ZNF804B: variants seen among roughly 807,000 people sequenced by gnomAD.
The protein encoded by ZNF804B is zinc finger protein 804B, also known as zinc finger 804B.
ZNF804B carries 80 observed loss-of-function variants against 101.4 expected under a neutral mutation model. The ratio of observed to expected loss-of-function variants is 0.79; its 90% CI spans 0.66 to 0.95. The LOEUF (loss-of-function observed/expected upper bound fraction) is 0.95. Among genes scored for constraint, ZNF804B ranks in the 40% least tolerant of loss-of-function variants. The pLI is 0.00. For missense variants in ZNF804B, 1,673 were observed against 1,561.9 expected (o/e 1.07, Z -1.20); for synonymous variants, 622 against 558.8 (o/e 1.11, Z -1.59).
chr7:89,229,643 A>T (rs1323643038), intron 2 of ZNF804B, among the ~76,000 whole-genome samples: 3 of 152,228 alleles, frequency 2.0e-5, no homozygotes, highest in African/African-American at 7.2e-5. Context: ...GTTTGTCAGT[A>T]ACTGACACAT....
At chr7:89,195,905 G>A (rs149844628) in intron 1 of ZNF804B, among the ~76,000 whole-genome samples, 313 of 152,124 alleles carry the variant, frequency 2.1e-3, no homozygotes, top group Middle Eastern at 3.4e-3. Flanking sequence ...AATCAGAGAG[G>A]ACACAGGCAA....
intron 1 of ZNF804B, among the ~76,000 whole-genome samples, chr7:88,876,079 T>C (rs1302337187): frequency 6.6e-6 from 1 of 152,080 alleles, no homozygotes. Context: ...CTATCATGCT[T>C]CTTGTACTCT....
At chr7:89,044,973 C>A (rs1194918983) in intron 1 of ZNF804B, among the ~76,000 whole-genome samples, 1 of 152,152 alleles carries the variant, frequency 6.6e-6, no homozygotes, top group Non-Finnish European at 1.5e-5. Flanking sequence ...TCACAGTAGC[C>A]CCATCCATCA....
In ZNF804B at chr7:88,972,236, T is replaced by C. The variant is rs185706957; in HGVS notation, c.108+212152T>C. 7.9e-5 allele frequency among the ~76,000 whole-genome samples: 12 copies of C among 151,694 alleles called. No homozygotes were observed. In the East Asian group the frequency reaches 2.3e-3, roughly 30 times the overall value. On this transcript the variant is annotated intron_variant, in intron 1 of 3. Coordinates refer to ENST00000333190, the MANE Select transcript of ZNF804B (RefSeq NM_181646.5). ...CCACAAGTGTGCTCCAATCTACTTATACTGTCTCATTTCTCACCAGCTTAA... is the reference window on the plus strand; with the variant it reads ...CCACAAGTGTGCTCCAATCTACTTACACTGTCTCATTTCTCACCAGCTTAA...
intron 1 of ZNF804B, among the ~76,000 whole-genome samples, chr7:89,071,005 A>C (rs1477207059): frequency 6.6e-6 from 1 of 152,160 alleles, no homozygotes; most frequent in Admixed American, 6.5e-5. Context: ...TCTCCCATAT[A>C]AAATGGTGTA....
At chr7:88,865,375 T>TA (rs1791711407) in intron 1 of ZNF804B, among the ~76,000 whole-genome samples, 1 of 151,368 alleles carries the variant, frequency 6.6e-6, no homozygotes, top group Non-Finnish European at 1.5e-5. Flanking sequence ...CTACAGAAAG[T>TA]AAAAAAATTA....
chr7:89,261,855 A>G (rs1009113764), intron 2 of ZNF804B, among the ~76,000 whole-genome samples: 1 of 152,194 alleles, frequency 6.6e-6, no homozygotes, highest in African/African-American at 2.4e-5. Flanking sequence ...CAACTGAAAC[A>G]TTGTTATGCA....
intron 1 of ZNF804B, among the ~76,000 whole-genome samples, chr7:89,017,165 G>T (rs1234110281): frequency 6.6e-6 from 1 of 152,186 alleles, no homozygotes; most frequent in African/African-American, 2.4e-5. Context: ...AAGAATGCTT[G>T]TGATTTTTGT....
intron 2 of ZNF804B, among the ~76,000 whole-genome samples, chr7:89,269,944 T>A (rs913731875): frequency 1.6e-3 from 251 of 152,184 alleles, no homozygotes; most frequent in African/African-American, 5.4e-3. Flanking sequence ...GTTTGAGTTC[T>A]TTGTAGATTC....
At chr7:89,280,058 C>T (rs1017027758) in intron 2 of ZNF804B, among the ~76,000 whole-genome samples, 1 of 152,152 alleles carries the variant, frequency 6.6e-6, no homozygotes, top group Non-Finnish European at 1.5e-5. Context: ...AACAAACTAT[C>T]TCTCAGACCA....
intron 1 of ZNF804B, among the ~76,000 whole-genome samples, chr7:88,839,069 A>G (rs1162954289): frequency 6.6e-6 from 1 of 152,004 alleles, no homozygotes; most frequent in African/African-American, 2.4e-5. Context: ...CACAACTCTC[A>G]ATTTGTTAGC....
intron 2 of ZNF804B, among the ~76,000 whole-genome samples, chr7:89,242,392 A>T (rs1789385521): frequency 6.6e-6 from 1 of 151,900 alleles, no homozygotes; most frequent in African/African-American, 2.4e-5. Flanking sequence ...TTTAATTGCA[A>T]AAATTGTAAT....
chr7:89,080,789 A>G (rs1205909448), intron 1 of ZNF804B, among the ~76,000 whole-genome samples: 1 of 151,904 alleles, frequency 6.6e-6, no homozygotes, highest in East Asian at 1.9e-4. Flanking sequence ...TTTTAAGTGC[A>G]TTTTGTAGCA....
chr7:89,289,667 G>A (rs2115893199), intron 2 of ZNF804B, among the ~76,000 whole-genome samples: 1 of 151,890 alleles, frequency 6.6e-6, no homozygotes, highest in East Asian at 2.0e-4. Context: ...ATTTAGACCA[G>A]CCCTACACGA....
At chr7:88,840,891 T>G (rs1050750039) in intron 1 of ZNF804B, among the ~76,000 whole-genome samples, 1 of 152,126 alleles carries the variant, frequency 6.6e-6, no homozygotes, top group Non-Finnish European at 1.5e-5. Context: ...TTATAATGCT[T>G]TCATAAGTCC....
At chr7:89,101,951 A>G (rs1052858032) in intron 1 of ZNF804B, among the ~76,000 whole-genome samples, 1 of 151,986 alleles carries the variant, frequency 6.6e-6, no homozygotes, top group Non-Finnish European at 1.5e-5. Context: ...TATAAGTGAG[A>G]ACATGCAATA....
At chr7:88,819,670 A>T (rs1281489647) in intron 1 of ZNF804B, among the ~76,000 whole-genome samples, 3 of 152,206 alleles carry the variant, frequency 2.0e-5, no homozygotes, top group African/African-American at 4.8e-5. Context: ...AAATAAAATT[A>T]AAAAACTATT....
At chr7:88,839,910 C>G (rs952366884) in intron 1 of ZNF804B, among the ~76,000 whole-genome samples, 6 of 152,066 alleles carry the variant, frequency 3.9e-5, no homozygotes, top group African/African-American at 1.4e-4. Flanking sequence ...AATATCTCAC[C>G]TCCTATTAAC....
At chr7:89,114,969 T>A (rs1308984656) in intron 1 of ZNF804B, among the ~76,000 whole-genome samples, 1 of 152,070 alleles carries the variant, frequency 6.6e-6, no homozygotes, top group African/African-American at 2.4e-5. Context: ...TAACCAAGTA[T>A]TTTTTTTCTG....
Sources: allele counts gnomAD v4.1 joint callset (sites outside exome capture counted in the v4.1 genomes callset), GRCh38; gene constraint gnomAD v4.1.1; transcripts MANE v1.5; gene names NCBI Gene and HGNC (gene_info 2026-07-23, HGNC 2026-07-21).